Variants in MCC observed in about 807,000 individuals in gnomAD.
The protein encoded by MCC is MCC regulator of Wnt signaling pathway.
In MCC, 90 loss-of-function variants were observed where a neutral mutation model predicts 116.2. That is an observed-to-expected ratio of 0.77 (90% CI 0.65 to 0.92). The LOEUF (loss-of-function observed/expected upper bound fraction) is 0.92. Among genes scored for constraint, MCC ranks in the 40% least tolerant of loss-of-function variants. The pLI, the probability that MCC is intolerant of heterozygous loss-of-function variation, is 0.00. For synonymous variants in MCC, 578 were observed against 510.5 expected (o/e 1.13, Z -1.78); for missense variants, 1,516 against 1,312.2 (o/e 1.16, Z -2.40).
intron 6 of MCC, among the ~76,000 whole-genome samples, chr5:113,109,036 C>G (rs1756923708): frequency 6.6e-6 from 1 of 152,204 alleles, no homozygotes; most frequent in Non-Finnish European, 1.5e-5. Context: ...GTCAAGGTAC[C>G]AAGCACTTAT....
At chr5:113,442,638 C>T (rs1258857039) in intron 1 of MCC, among the ~76,000 whole-genome samples, 2 of 152,188 alleles carry the variant, frequency 1.3e-5, no homozygotes, top group East Asian at 1.9e-4. Flanking sequence ...TTAGGTCTTA[C>T]ATTTAGGTCT....
chr5:113,148,729 T>G (rs1759672280), intron 4 of MCC, among the ~76,000 whole-genome samples: 1 of 152,240 alleles, frequency 6.6e-6, no homozygotes, highest in East Asian at 1.9e-4. Flanking sequence ...GTCTGACTTT[T>G]TTTTCATGTT....
At chr5:113,484,976 C>T (rs1457721423) in intron 1 of MCC, among the ~76,000 whole-genome samples, 2 of 152,156 alleles carry the variant, frequency 1.3e-5, no homozygotes, top group African/African-American at 2.4e-5. Flanking sequence ...GGGGTCCCAG[C>T]CGCAGTTTGG....
chr5:113,282,799 G>A (rs1028911001), intron 3 of MCC, among the ~76,000 whole-genome samples: 1 of 152,082 alleles, frequency 6.6e-6, no homozygotes, highest in South Asian at 2.1e-4. Flanking sequence ...GTTTAATCAC[G>A]ATTAGAGTCA....
At chr5:113,472,880 G>GAAT (rs1772131245) in intron 1 of MCC, among the ~76,000 whole-genome samples, 1 of 152,100 alleles carries the variant, frequency 6.6e-6, no homozygotes, top group Admixed American at 6.6e-5. Context: ...ATGCTATTTG[G>GAAT]GAGTGTGAAG....
intron 1 of MCC, among the ~76,000 whole-genome samples, chr5:113,407,063 C>T (rs1342216972): frequency 6.6e-6 from 1 of 152,058 alleles, no homozygotes; most frequent in Non-Finnish European, 1.5e-5. Context: ...TAATAAACTG[C>T]TTAAGATAAA....
At chr5:113,260,031 T>C (rs1765163400) in intron 3 of MCC, among the ~76,000 whole-genome samples, 2 of 152,090 alleles carry the variant, frequency 1.3e-5, no homozygotes, top group African/African-American at 2.4e-5. Context: ...TACCTTTCCA[T>C]GTGGCCTGCA....
At chr5:113,186,603 A>G (rs927223404) in intron 3 of MCC, among the ~76,000 whole-genome samples, 1 of 152,236 alleles carries the variant, frequency 6.6e-6, no homozygotes, top group African/African-American at 2.4e-5. Flanking sequence ...CACTTGATGT[A>G]AATGCAACTT....
rs1464743569 is a variant in MCC, at chr5:113,434,505, T to A, written c.171-49293A>T. The A allele has an allele frequency of 6.2e-7, 1 of 1,613,046 alleles. No homozygotes were observed. Among genetic ancestry groups the A allele is most frequent in the Non-Finnish European group, 8.5e-7 (1 of 1,179,208 alleles). On this transcript the variant is annotated intron_variant, in intron 1 of 18. Coordinates refer to ENST00000408903, the MANE Select transcript of MCC (RefSeq NM_001085377.2). The surrounding 1 kb of genome is among the most constrained non-coding windows in gnomAD (Gnocchi z 4.2). ...AAGCTGGTGGAACTTCTTGCGAGCT[T>A]CGTCCTCATGCAGGGCTCCCCGGGT...
intron 1 of MCC, among the ~76,000 whole-genome samples, chr5:113,422,221 C>A (rs1434595247): frequency 1.3e-5 from 2 of 152,156 alleles, no homozygotes; most frequent in African/African-American, 4.8e-5. Context: ...CACTGAAAAT[C>A]ACATCTAGTG....
intron 4 of MCC, among the ~76,000 whole-genome samples, chr5:113,146,112 G>A (rs13190040): frequency 0.52 from 79,086 of 151,638 alleles, 22,782 homozygotes; most frequent in East Asian, 0.72. Flanking sequence ...ATATTTTTCC[G>A]TAAGTTTTAA....
chr5:113,048,138 G>A (rs560624667), intron 16 of MCC, among the ~76,000 whole-genome samples: 1 of 152,306 alleles, frequency 6.6e-6, no homozygotes, highest in Admixed American at 6.5e-5. Context: ...TGTAAATGGG[G>A]ATAACTATTC....
Position 113,467,986 on chromosome 5 carries a change from G to C in MCC, c.170+20259C>G, listed in dbSNP as rs1265146858. Among the ~76,000 whole-genome samples the C allele has an allele frequency of 5.3e-5, 8 of 152,246 alleles. No homozygotes were observed. The South Asian group carries it at 8.3e-4, about 16-fold the overall frequency. ...TCACTCATGATTTGGCTGTTTGTCT[G>C]TTATTGGTGTATAGGAATGCTTGTG... is the stretch of plus-strand genomic sequence containing the variant. On this transcript the variant is annotated intron_variant, in intron 1 of 18. Coordinates refer to ENST00000408903, the MANE Select transcript of MCC (RefSeq NM_001085377.2).
intron 11 of MCC, among the ~76,000 whole-genome samples, chr5:113,079,020 C>T (rs185071981): frequency 2.7e-4 from 41 of 152,282 alleles, no homozygotes; most frequent in African/African-American, 9.4e-4. Context: ...CAATAACAGA[C>T]AAACAGAGAG....
At chr5:113,090,017 T>C (rs984540338) in intron 8 of MCC, among the ~76,000 whole-genome samples, 1 of 152,084 alleles carries the variant, frequency 6.6e-6, no homozygotes, top group Non-Finnish European at 1.5e-5. Context: ...AGTCAACAAT[T>C]AGAGATGTAA....
chr5:113,026,036 G>A lies in MCC; in HGVS notation c.*1266C>T, dbSNP rs113613658. 6.6e-6 allele frequency: 1 copy of A among 152,202 alleles called. No individual in the cohort carries two copies. The highest frequency in any genetic ancestry group is 6.5e-5 in the Admixed American group (1 of 15,282). The allele number at this position is 152,202 out of a possible 1,614,324, so 9.4% of individuals were successfully genotyped here. On this transcript the variant is annotated 3_prime_UTR_variant, in exon 19 of 19. Coordinates refer to ENST00000408903, the MANE Select transcript of MCC (RefSeq NM_001085377.2). The stretch of plus-strand genomic sequence containing the variant: ...CAAGTGTATCAGTGTAGAACTGAGA[G>A]AGAAGAGGTAAAACTGAAAAAGAAT...
At chr5:113,088,542 A>G (rs1002282845) in intron 8 of MCC, among the ~76,000 whole-genome samples, 30 of 151,748 alleles carry the variant, frequency 2.0e-4, no homozygotes, top group African/African-American at 7.3e-4. Flanking sequence ...GGTGGGCCCT[A>G]TGTGCAATGA....
At chr5:113,177,073 CTTTTAAATGG>C (rs1761373893) in intron 3 of MCC, among the ~76,000 whole-genome samples, 1 of 152,144 alleles carries the variant, frequency 6.6e-6, no homozygotes, top group Non-Finnish European at 1.5e-5. Context: ...GGTCCAAATT[CTTTTAAATGG>C]ACCTACCTGC....
chr5:113,272,409 T>C (rs1207872181), intron 3 of MCC, among the ~76,000 whole-genome samples: 2 of 152,318 alleles, frequency 1.3e-5, no homozygotes, highest in Non-Finnish European at 1.5e-5. Flanking sequence ...ATCAGGTTGA[T>C]AGGCTCTCCT....
Sources: allele counts gnomAD v4.1 joint callset (sites outside exome capture counted in the v4.1 genomes callset), GRCh38; gene constraint gnomAD v4.1.1; non-coding constraint Gnocchi (gnomAD v3.1); transcripts MANE v1.5; gene names NCBI Gene and HGNC (gene_info 2026-07-23, HGNC 2026-07-21).